Variants in FOXM1 observed in about 807,000 individuals in gnomAD.
FOXM1 encodes forkhead box M1.
In FOXM1, 25 loss-of-function variants were observed where a neutral mutation model predicts 63.6. The ratio of observed to expected loss-of-function variants is 0.39; its 90% confidence interval spans 0.29 to 0.55. FOXM1 has a LOEUF of 0.55. Among genes scored for constraint, FOXM1 ranks in the 20% least tolerant of loss-of-function variants. FOXM1 has a pLI of 0.60. For missense variants in FOXM1, 879 were observed against 958.7 expected (o/e 0.92, Z 1.10); for synonymous variants, 387 against 376.9 (o/e 1.03, Z -0.31).
intron 1 of FOXM1, among the ~76,000 whole-genome samples, chr12:2,875,096 G>A (rs889278747): frequency 1.3e-5 from 2 of 150,342 alleles, no homozygotes; most frequent in Non-Finnish European, 1.5e-5. Flanking sequence ...GGGTTTAAGC[G>A]AGTCCCACGT....
chr12:2,872,208 AG>A lies in FOXM1; in HGVS notation c.541del (p.Leu181TyrfsTer10). On this transcript the variant is annotated frameshift_variant, in exon 3 of 9. Transcript: ENST00000359843. LOFTEE classifies it high-confidence loss of function. This position sits in a 1 kb window ranked among gnomAD's most constrained non-coding sequence, Gnocchi z 4.0. ...EAAGCTINNS[L>X]SNIQWLRKMS... is the part of the protein sequence containing the mutation. ...CTTTCGAAGCCACTGGATGTTGGAT[AG>A]GCTATTGTTGATAGTGCAGCCTGCT... The A allele has an allele frequency of 6.2e-7, 1 of 1,614,198 alleles. No individual in the cohort carries two copies. Among genetic ancestry groups the A allele is most frequent in the Non-Finnish European group, 8.5e-7 (1 of 1,180,020 alleles).
Position 2,865,396 on chromosome 12 carries a change from G to A in FOXM1, c.979C>T (p.Leu327=). The part of the protein sequence containing the change: ...YLTLDQVFKP[L]DPGSPQLPEH... ...GGCAATTGTGGAGACCCTGGGTCCAGTGGCTGGTGGCGGCCAGGCATTGTG... is the reference window on the plus strand; with the variant it reads ...GGCAATTGTGGAGACCCTGGGTCCAATGGCTGGTGGCGGCCAGGCATTGTG... Residue 327 remains leucine, a synonymous_variant, in exon 6 of 9, where the codon CTG becomes TTG. Transcript: ENST00000359843. 1 of 1,610,798 alleles carries A rather than the reference G, an allele frequency of 6.2e-7. No homozygotes were observed. Among genetic ancestry groups the A allele is most frequent in the Admixed American group, 1.7e-5 (1 of 59,574 alleles).
chr12:2,876,383 C>T (rs900925351), intron 1 of FOXM1: 1 of 152,306 alleles, frequency 6.6e-6, no homozygotes, highest in Admixed American at 6.5e-5. Flanking sequence ...TACTTCCTGA[C>T]CAGCCCGTTA....
Position 2,872,163 on chromosome 12 carries a change from C to G in FOXM1, c.587G>C (p.Gly196Ala). 6.2e-7 allele frequency: 1 copy of G among 1,614,124 alleles called. No homozygotes were observed. The highest frequency in any genetic ancestry group is 1.7e-5 in the Admixed American group (1 of 60,014). ...CATCTCTTGCTTGATGCTGCGGGAGCCCAGTCCATCAGAACTCATCTTTCG... is the reference window on the plus strand; with the variant it reads ...CATCTCTTGCTTGATGCTGCGGGAGGCCAGTCCATCAGAACTCATCTTTCG... ...WLRKMSSDGL[G>A]SRSIKQEMEE... is the part of the protein sequence containing the mutation. The change falls in exon 3 of 9, where the codon GGC (glycine) becomes GCC (alanine). Residue 196 changes from glycine (G) to alanine (A), a missense_variant. Physicochemically the swap from Gly to Ala is moderately conservative, Grantham distance 60. Transcript: ENST00000359843. This position sits in a 1 kb window ranked among gnomAD's most constrained non-coding sequence, Gnocchi z 4.0.
intron 3 of FOXM1, among the ~76,000 whole-genome samples, chr12:2,871,644 G>A (rs936348414): frequency 2.7e-5 from 4 of 149,648 alleles, no homozygotes; most frequent in East Asian, 3.9e-4. Context: ...AGAGCAAGAC[G>A]CTGTCTTAAA....
Position 2,858,352 on chromosome 12 carries a change from G to C in FOXM1, c.*286C>G, listed in dbSNP as rs1017580544. 2 of 402,728 alleles carry C rather than the reference G, an allele frequency of 5.0e-6. No homozygotes were observed. Among genetic ancestry groups the C allele is most frequent in the African/African-American group, 4.0e-5 (2 of 50,554 alleles). 24.9% of individuals were successfully genotyped at this position (402,728 alleles called of 1,614,324 possible). A position where few individuals can be genotyped will look rare whatever the true frequency, so the allele number is the denominator to read the frequency against. On this transcript the variant is annotated 3_prime_UTR_variant, in exon 9 of 9. Coordinates refer to ENST00000359843, the MANE Select transcript of FOXM1 (RefSeq NM_021953.4). ...GGAAGGTAAGAGACTGCTGGGCAGA[G>C]AATGGAAACAGGCTGGGGGGTTCCT...
In FOXM1 at chr12:2,874,033, T is replaced by C. The variant is rs756035595; in HGVS notation, c.446A>G (p.Asp149Gly). 3.1e-6 allele frequency: 5 copies of C among 1,613,994 alleles called. No individual in the cohort carries two copies. The highest frequency in any genetic ancestry group is 3.4e-6 in the Non-Finnish European group (4 of 1,180,020). Residue 149 changes from aspartate (D) to glycine (G), a missense_variant, in exon 2 of 9, where the codon GAT (aspartate) becomes GGT (glycine). By Grantham distance (94) the Asp-to-Gly change is moderately conservative. Transcript: ENST00000359843. The surrounding 1 kb of genome is among the most constrained non-coding windows in gnomAD (Gnocchi z 4.3). ...ETLGPKPAAR[D>G]VNLPRPPGAL... ...TCCAGGTGGTCTAGGAAGATTCACA[T>C]CCCTAGCTGCAGGTTTTGGTCCCAA... is the stretch of plus-strand genomic sequence containing the variant.
Position 2,874,529 on chromosome 12 carries a change from G to C in FOXM1, c.-47-4C>G, listed in dbSNP as rs1272557911. 4.6e-6 allele frequency: 7 copies of C among 1,532,584 alleles called. No homozygotes were observed. The highest frequency in any genetic ancestry group is 1.8e-4 in the Middle Eastern group (1 of 5,704). The allele number at this position is 1,532,584 out of a possible 1,614,324, so 94.9% of individuals were successfully genotyped here. A position where few individuals can be genotyped will look rare whatever the true frequency, so the allele number is the denominator to read the frequency against. ...TTGAGAATCACAAGTGTGGACCCTG[G>C]AAAATGCAAATAGTGGCAAGATGTT... On this transcript the variant is annotated splice_polypyrimidine_tract_variant and splice_region_variant and intron_variant, in intron 1 of 8. Transcript: ENST00000359843. The surrounding 1 kb of genome is among the most constrained non-coding windows in gnomAD (Gnocchi z 4.3).
chr12:2,863,476 C>T (rs546063953), intron 8 of FOXM1, among the ~76,000 whole-genome samples: 1 of 151,298 alleles, frequency 6.6e-6, no homozygotes, highest in East Asian at 2.0e-4. Context: ...GCAGCCTCAA[C>T]CTCCTGGACT....
chr12:2,873,924 A>G lies in FOXM1; in HGVS notation c.502+53T>C, dbSNP rs56249059. On this transcript the variant is annotated intron_variant, in intron 2 of 8. Transcript: ENST00000359843. ...ATCAAGACTGACTACACACCTTGCC[A>G]CTACAGAGGAAAGGCTGGGCTCCCT... The G allele has an allele frequency of 6.9e-3, 10,734 of 1,552,028 alleles. 592 individuals carry two copies. The African/African-American group carries it at 0.12, about 18-fold the overall frequency.
chr12:2,859,590 C>G lies in FOXM1; in HGVS notation c.1340G>C (p.Gly447Ala), dbSNP rs1268043382. The change falls in exon 9 of 9, where the codon GGA becomes GCA. Residue 447 changes from glycine to alanine, a missense_variant. Gly to Ala is a moderately conservative substitution (Grantham distance 60). Coordinates refer to ENST00000359843, the MANE Select transcript of FOXM1 (RefSeq NM_021953.4). ...TGGAAGCAAAGGAGAAAACCCTTCT[C>G]CAAACAGGAGTTTCTCCTCTTTCCC... ...GPGKEEKLLFGEGFSPLLPVQ... is the reference protein window; with the variant it reads ...GPGKEEKLLFAEGFSPLLPVQ... The G allele has an allele frequency of 6.2e-7, 1 of 1,613,738 alleles. No homozygotes were observed. The highest frequency in any genetic ancestry group is 8.5e-7 in the Non-Finnish European group (1 of 1,179,890).
chr12:2,869,702 G>A, intron 3 of FOXM1, among the ~76,000 whole-genome samples: 1 of 151,294 alleles, frequency 6.6e-6, no homozygotes, highest in Admixed American at 6.6e-5. Flanking sequence ...CTCCCAGAGT[G>A]ATGGGATTAC....
At position 2,874,237 on chromosome 12, in the gene FOXM1, T is replaced by C; in HGVS notation, c.242A>G (p.Asn81Ser). The part of the protein sequence containing the change: ...PNTQVVAIPN[N>S]ANIHSIITAL... ...TGTGATGATGCTGTGAATATTAGCATTGTTGGGGATGGCCACTACTTGCGT... is the reference window on the plus strand; with the variant it reads ...TGTGATGATGCTGTGAATATTAGCACTGTTGGGGATGGCCACTACTTGCGT... Residue 81 changes from asparagine to serine, a missense_variant, in exon 2 of 9, where the codon AAT becomes AGT. Asn to Ser is a conservative substitution (Grantham distance 46, BLOSUM62 1). Around this residue, in one of 4 missense-constraint regions of FOXM1, gnomAD observed 255 missense variants for 292.4 expected, o/e 0.87. Transcript: ENST00000359843. The surrounding 1 kb of genome is among the most constrained non-coding windows in gnomAD (Gnocchi z 4.3). The C allele has an allele frequency of 6.2e-7, 1 of 1,614,112 alleles. No individual in the cohort carries two copies.
At chr12:2,868,840 CT>C in intron 3 of FOXM1, 86 bp from the exon 4 acceptor site, 1 of 1,069,694 alleles carries the variant, frequency 9.3e-7, no homozygotes, top group African/African-American at 1.6e-5. Flanking sequence ...CTAGAGAAAC[CT>C]TTATCCCATA....
intron 8 of FOXM1, among the ~76,000 whole-genome samples, chr12:2,861,568 A>G (rs778414954): frequency 6.6e-6 from 1 of 152,264 alleles, no homozygotes; most frequent in Non-Finnish European, 1.5e-5. Flanking sequence ...TGGTTTAAAC[A>G]TGACTTATCA....
Position 2,859,081 on chromosome 12 carries a change from G to T in FOXM1, c.1849C>A (p.Leu617Ile), listed in dbSNP as rs1017404133. Residue 617 changes from leucine (L) to isoleucine (I), a missense_variant, in exon 9 of 9, where the codon CTC becomes ATC. Leu to Ile is a conservative substitution (Grantham distance 5). Coordinates refer to ENST00000359843, the MANE Select transcript of FOXM1 (RefSeq NM_021953.4). ...CTCCAGGATTCAGGGGTTCTGGGGA[G>T]GACAGATTTGCTCGGGGTGGAGGAG... is the stretch of plus-strand genomic sequence containing the variant. ...PISSTPSKSVLPRTPESWRLT... is the reference protein window; with the variant it reads ...PISSTPSKSVIPRTPESWRLT... 1.2e-6 allele frequency: 2 copies of T among 1,607,472 alleles called. No homozygotes were observed. Among genetic ancestry groups the T allele is most frequent in the African/African-American group, 2.7e-5 (2 of 74,852 alleles).
At chr12:2,873,731 C>T (rs1431089011) in intron 2 of FOXM1, among the ~76,000 whole-genome samples, 1 of 152,002 alleles carries the variant, frequency 6.6e-6, no homozygotes, top group Non-Finnish European at 1.5e-5. Context: ...ACGTGTGCCA[C>T]CACGCTCGGC....
Position 2,872,333 on chromosome 12 carries a change from G to T in FOXM1, c.503-86C>A, listed in dbSNP as rs2098134584. 8 of 1,432,060 alleles carry T rather than the reference G, an allele frequency of 5.6e-6. No individual in the cohort carries two copies. In the South Asian group the frequency reaches 9.6e-5, roughly 17 times the overall value. 88.7% of individuals were successfully genotyped at this position (1,432,060 alleles called of 1,614,324 possible). ...ATCAGAATTGGTGGCTAGCAGGCCG[G>T]GTGCAGTGGCTCACACCTGTAATCC... is the stretch of plus-strand genomic sequence containing the variant. On this transcript the variant is annotated intron_variant, in intron 2 of 8. Transcript: ENST00000359843. The surrounding 1 kb of genome is among the most constrained non-coding windows in gnomAD (Gnocchi z 4.0).
intron 1 of FOXM1, among the ~76,000 whole-genome samples, chr12:2,875,184 G>T (rs1325689212): frequency 1.3e-5 from 2 of 151,984 alleles, no homozygotes; most frequent in Non-Finnish European, 2.9e-5. Flanking sequence ...GTAGAGACAG[G>T]GTTTCACCAT....
Sources: allele counts gnomAD v4.1 joint callset (sites outside exome capture counted in the v4.1 genomes callset), GRCh38; gene constraint gnomAD v4.1.1; regional missense constraint gnomAD v4.1.1; non-coding constraint Gnocchi (gnomAD v3.1); transcripts MANE v1.5; gene names NCBI Gene and HGNC (gene_info 2026-07-23, HGNC 2026-07-21).